The following EVI5 variants were observed in gnomAD, a reference collection of about 807,000 sequenced individuals.
The protein encoded by EVI5 is ecotropic viral integration site 5 protein homolog.
A neutral mutation model predicts 112.0 loss-of-function variants in EVI5; 73 were observed. The observed-to-expected ratio is 0.65, with a 90% CI of 0.54 to 0.79. EVI5 has a LOEUF of 0.79. Ranked by LOEUF, EVI5 falls within the 30% of genes least tolerant of loss-of-function variation. The pLI, the probability that EVI5 is intolerant of heterozygous loss-of-function variation, is 0.00. For missense variants in EVI5, 900 were observed against 968.8 expected, an observed-to-expected ratio of 0.93 and a Z score of 0.94; for synonymous variants, 305 against 319.9, an observed-to-expected ratio of 0.95 and a Z score of 0.50.
At chr1:92,519,376 A>C (rs1447652836) in intron 19 of EVI5, among the ~76,000 whole-genome samples, 2 of 152,142 alleles carry the variant, frequency 1.3e-5, no homozygotes, top group Admixed American at 6.5e-5. Flanking sequence ...TTCATAGAAC[A>C]CCTAAATTGT....
intron 1 of EVI5, among the ~76,000 whole-genome samples, chr1:92,763,263 G>C (rs1025163764): frequency 6.6e-6 from 1 of 152,058 alleles, no homozygotes; most frequent in Non-Finnish European, 1.5e-5. Context: ...GTGAGACTTT[G>C]TCTCAAATAA....
intron 10 of EVI5, among the ~76,000 whole-genome samples, chr1:92,666,369 A>T (rs567481953): frequency 2.0e-5 from 3 of 151,368 alleles, no homozygotes; most frequent in African/African-American, 7.3e-5. Context: ...AAAAACACAC[A>T]CACACACATG....
At chr1:92,734,193 G>C (rs1676964434) in intron 2 of EVI5, among the ~76,000 whole-genome samples, 1 of 152,162 alleles carries the variant, frequency 6.6e-6, no homozygotes, top group African/African-American at 2.4e-5. Context: ...CCTAGGATGA[G>C]AGAATGATTT....
At chr1:92,620,339 TC>T (rs1173399692) in intron 16 of EVI5, among the ~76,000 whole-genome samples, 1 of 117,796 alleles carries the variant, frequency 8.5e-6, no homozygotes, top group Admixed American at 1.0e-4. Flanking sequence ...AGAGTGAAAC[TC>T]CATCTCAAAA....
At chr1:92,683,056 C>T (rs992699030) in intron 9 of EVI5, among the ~76,000 whole-genome samples, 2 of 152,170 alleles carry the variant, frequency 1.3e-5, no homozygotes, top group Admixed American at 1.3e-4. Flanking sequence ...CTGGCAAAGG[C>T]AGTCATTATT....
intron 16 of EVI5, among the ~76,000 whole-genome samples, chr1:92,610,196 T>C (rs1651441936): frequency 6.6e-6 from 1 of 152,212 alleles, no homozygotes; most frequent in Admixed American, 6.5e-5. Flanking sequence ...CTCTTTCTCA[T>C]TTTGAATCAA....
At chr1:92,521,421 T>C (rs1015383370) in intron 19 of EVI5, among the ~76,000 whole-genome samples, 1 of 152,236 alleles carries the variant, frequency 6.6e-6, no homozygotes, top group Non-Finnish European at 1.5e-5. Flanking sequence ...CTGGGTGTTG[T>C]GGCTCACGCC....
chr1:92,589,859 AC>A (rs1423034016), intron 18 of EVI5, among the ~76,000 whole-genome samples: 3 of 151,858 alleles, frequency 2.0e-5, no homozygotes, highest in East Asian at 1.9e-4. Context: ...ACTGAGAGGC[AC>A]CCCCCCGTAT....
chr1:92,699,341 A>C (rs1169831509), intron 5 of EVI5, among the ~76,000 whole-genome samples: 1 of 152,148 alleles, frequency 6.6e-6, no homozygotes, highest in Admixed American at 6.5e-5. Context: ...TCTTTCCTAA[A>C]TCTTTTCCAC....
At chr1:92,632,871 G>C (rs1313574281) in intron 14 of EVI5, among the ~76,000 whole-genome samples, 1 of 152,178 alleles carries the variant, frequency 6.6e-6, no homozygotes, top group Non-Finnish European at 1.5e-5. Context: ...CTGGTATGCT[G>C]TGTCTTTGTC....
intron 9 of EVI5, among the ~76,000 whole-genome samples, chr1:92,681,905 C>A (rs1208257281): frequency 2.0e-5 from 3 of 152,110 alleles, no homozygotes; most frequent in African/African-American, 7.2e-5. Context: ...ACCCCTAGCA[C>A]CCTACCATGT....
intron 18 of EVI5, among the ~76,000 whole-genome samples, chr1:92,587,365 C>A (rs1672971243): frequency 1.5e-5 from 2 of 135,128 alleles, no homozygotes; most frequent in African/African-American, 2.8e-5. Context: ...AAACGAAAGC[C>A]ATAAACGATT....
chr1:92,765,447 T>C (rs1487126433), intron 1 of EVI5, among the ~76,000 whole-genome samples: 1 of 151,530 alleles, frequency 6.6e-6, no homozygotes, highest in Non-Finnish European at 1.5e-5. Flanking sequence ...GCAAGTACTG[T>C]TATAGGCACT....
In EVI5 at chr1:92,624,196, T is replaced by A. The variant is rs770435762; in HGVS notation, c.1807A>T (p.Met603Leu). Residue 603 changes from methionine to leucine, a missense_variant, in exon 16 of 20, where the codon ATG becomes TTG. Met to Leu is a conservative substitution (Grantham distance 15). Transcript: ENST00000684568. ...CATACCTGTGTTTCCATTTCCATCATCCTTTGTTTTATTTCTCTTATTTCT... is the reference window on the plus strand; with the variant it reads ...CATACCTGTGTTTCCATTTCCATCAACCTTTGTTTTATTTCTCTTATTTCT... ...QAEIREIKQR[M>L]MEMETQNQIN... 1 of 1,613,784 alleles carries A rather than the reference T, an allele frequency of 6.2e-7. No individual in the cohort carries two copies. The highest frequency in any genetic ancestry group is 1.1e-5 in the South Asian group (1 of 91,070).
chr1:92,591,917 C>T lies in EVI5; in HGVS notation c.2070+13390G>A, dbSNP rs1673998118. On this transcript the variant is annotated intron_variant, in intron 18 of 19. Transcript: ENST00000684568. ...AAAGTATAACAAACTGTCTCTCAGA[C>T]CACAGTACAATCAAACTAGAACTCA... 3.3e-5 allele frequency among the ~76,000 whole-genome samples: 5 copies of T among 152,200 alleles called. No homozygotes were observed. In the South Asian group the frequency reaches 1.0e-3, roughly 31 times the overall value.
intron 9 of EVI5, among the ~76,000 whole-genome samples, chr1:92,684,875 C>A (rs111389077): frequency 0.085 from 12,976 of 151,914 alleles, 1,552 homozygotes; most frequent in African/African-American, 0.27. Flanking sequence ...TATACATGCA[C>A]CCAATACAAG....
chr1:92,671,304 T>A (rs1665842243), intron 10 of EVI5, among the ~76,000 whole-genome samples: 1 of 152,166 alleles, frequency 6.6e-6, no homozygotes, highest in African/African-American at 2.4e-5. Context: ...TCTTTCTCAC[T>A]GTCTCTTGGC....
chr1:92,777,626 C>T (rs1684323691), intron 1 of EVI5, among the ~76,000 whole-genome samples: 1 of 152,128 alleles, frequency 6.6e-6, no homozygotes, highest in Non-Finnish European at 1.5e-5. Context: ...AGGTATAACC[C>T]CATAAGGAGG....
chr1:92,610,781 G>A (rs544966007), intron 16 of EVI5, among the ~76,000 whole-genome samples: 4 of 151,544 alleles, frequency 2.6e-5, no homozygotes, highest in South Asian at 2.1e-4. Flanking sequence ...TGGGTTGCAG[G>A]ATAAAATAGA....
Sources: gnomAD v4.1 joint callset for allele counts (sites outside exome capture counted in the v4.1 genomes callset) on GRCh38, gnomAD v4.1.1 for gene constraint, MANE v1.5 for transcripts, NCBI Gene and HGNC (gene_info 2026-07-23, HGNC 2026-07-21) for gene names.